Variants in ST6GALNAC5 observed in about 807,000 individuals in gnomAD.
The protein encoded by ST6GALNAC5 is alpha-N-acetylgalactosaminide alpha-2,6-sialyltransferase 5.
Under a neutral mutation model 33.6 loss-of-function variants are expected in ST6GALNAC5, and 27 were observed. The ratio of observed to expected loss-of-function variants is 0.80; its 90% CI spans 0.59 to 1.11. The LOEUF (loss-of-function observed/expected upper bound fraction) is 1.11. ST6GALNAC5 is among the 50% of genes least tolerant of loss of function. The pLI, the probability that ST6GALNAC5 is intolerant of heterozygous loss-of-function variation, is 0.00. For synonymous variants in ST6GALNAC5, 194 were observed against 171.2 expected (o/e 1.13, Z -1.04); for missense variants, 428 against 454.0 (o/e 0.94, Z 0.52).
chr1:76,959,530 G>A (rs1222696840), intron 2 of ST6GALNAC5, among the ~76,000 whole-genome samples: 1 of 152,188 alleles, frequency 6.6e-6, no homozygotes, highest in Non-Finnish European at 1.5e-5. Flanking sequence ...AGAAATGAGG[G>A]GCAAGCTTTG....
At chr1:76,873,049 C>G (rs944502510) in intron 2 of ST6GALNAC5, among the ~76,000 whole-genome samples, 1 of 152,208 alleles carries the variant, frequency 6.6e-6, no homozygotes, top group Non-Finnish European at 1.5e-5. Flanking sequence ...ATATCACTAT[C>G]CTCCTGTAAA....
chr1:77,018,469 G>A (rs1650932317), intron 2 of ST6GALNAC5, among the ~76,000 whole-genome samples: 1 of 152,204 alleles, frequency 6.6e-6, no homozygotes, highest in Non-Finnish European at 1.5e-5. Context: ...GCAGATAGGA[G>A]AACTGGGGCT....
At chr1:76,879,302 C>T (rs1006976612) in intron 2 of ST6GALNAC5, among the ~76,000 whole-genome samples, 1 of 152,122 alleles carries the variant, frequency 6.6e-6, no homozygotes. Flanking sequence ...TCTAACCAAG[C>T]AAATAAACTA....
intron 2 of ST6GALNAC5, among the ~76,000 whole-genome samples, chr1:76,940,408 G>C (rs1463746887): frequency 6.6e-6 from 1 of 152,106 alleles, no homozygotes; most frequent in Admixed American, 6.6e-5. Flanking sequence ...TGGAGCACTG[G>C]CGTGGTACTT....
chr1:76,904,914 G>A (rs1263268076), intron 2 of ST6GALNAC5, among the ~76,000 whole-genome samples: 2 of 152,176 alleles, frequency 1.3e-5, no homozygotes, highest in South Asian at 4.1e-4. Flanking sequence ...AATCTATGCT[G>A]TAGGAAGACA....
intron 2 of ST6GALNAC5, among the ~76,000 whole-genome samples, chr1:76,885,763 G>C (rs1653878992): frequency 1.3e-5 from 2 of 152,142 alleles, no homozygotes; most frequent in South Asian, 4.1e-4. Flanking sequence ...ACAACCCTTA[G>C]CACTTTTCAA....
At position 76,868,695 on chromosome 1, in the gene ST6GALNAC5, G is replaced by A. The variant is rs1653421502; in HGVS notation, c.214G>A (p.Ala72Thr). ...SSTQQRPGVP[A>T]GPRPLDGYLG... ...CACCCAGCAGCGCCCCGGGGTCCCC[G>A]CGGGACCGCGGCCACTGGACGGATA... The change falls in exon 2 of 5, where the codon GCG becomes ACG. Residue 72 changes from alanine to threonine, a missense_variant. Physicochemically the swap from Ala to Thr is moderately conservative, Grantham distance 58 (BLOSUM62 0). Coordinates refer to ENST00000477717, the MANE Select transcript of ST6GALNAC5 (RefSeq NM_030965.3). The surrounding 1 kb of genome is among the most constrained non-coding windows in gnomAD (Gnocchi z 4.3). 6 of 1,538,974 alleles carry A rather than the reference G, an allele frequency of 3.9e-6. No homozygotes were observed. Among genetic ancestry groups the A allele is most frequent in the Non-Finnish European group, 5.2e-6 (6 of 1,143,292 alleles).
At chr1:77,021,502 G>C (rs1047447084) in intron 2 of ST6GALNAC5, among the ~76,000 whole-genome samples, 3 of 152,130 alleles carry the variant, frequency 2.0e-5, no homozygotes, top group South Asian at 2.1e-4. Flanking sequence ...TTGATGACTT[G>C]ATGTGATATG....
At position 77,063,308 on chromosome 1, in the gene ST6GALNAC5, C is replaced by A; in HGVS notation, c.*102C>A. On this transcript the variant is annotated 3_prime_UTR_variant, in exon 5 of 5. Transcript: ENST00000477717. ...GACAGGAAAGGGTAGCAGAAAACAG[C>A]TTCACTCCTCAGGAAGTACCATGGA... 1 of 1,015,160 alleles carries A rather than the reference C, an allele frequency of 9.9e-7. No individual in the cohort carries two copies. The highest frequency in any genetic ancestry group is 1.5e-6 in the Non-Finnish European group (1 of 677,706). 62.9% of individuals were successfully genotyped at this position (1,015,160 alleles called of 1,614,324 possible). A position where few individuals can be genotyped will look rare whatever the true frequency, so the allele number is the denominator to read the frequency against.
intron 2 of ST6GALNAC5, among the ~76,000 whole-genome samples, chr1:77,020,243 G>A (rs1048666091): frequency 1.3e-5 from 2 of 152,190 alleles, no homozygotes; most frequent in African/African-American, 4.8e-5. Context: ...TTTTTTAAGT[G>A]CCGAGAATGT....
intron 2 of ST6GALNAC5, among the ~76,000 whole-genome samples, chr1:77,033,982 G>A (rs996962063): frequency 6.6e-6 from 1 of 152,132 alleles, no homozygotes; most frequent in African/African-American, 2.4e-5. Context: ...AGACAAAGGA[G>A]GAGAACTGCA....
chr1:77,034,430 C>T (rs941891733), intron 2 of ST6GALNAC5, among the ~76,000 whole-genome samples: 3 of 152,146 alleles, frequency 2.0e-5, no homozygotes, highest in Non-Finnish European at 4.4e-5. Context: ...TCTGCAAAAC[C>T]TCTGTTTCTA....
At position 77,067,030 on chromosome 1, in the gene ST6GALNAC5, G is replaced by A. The variant is rs1441887121; in HGVS notation, c.*3824G>A. 1.3e-5 allele frequency among the ~76,000 whole-genome samples: 2 copies of A among 152,218 alleles called. No homozygotes were observed. The highest frequency in any genetic ancestry group is 4.8e-5 in the African/African-American group (2 of 41,460). ...ACCATTATGGTTTGCCCAGGGCCAA[G>A]TGGGGAGTGAAGAAGAGGGGTCCCC... On this transcript the variant is annotated 3_prime_UTR_variant, in exon 5 of 5. Transcript: ENST00000477717.
chr1:76,880,904 A>G (rs1410041925), intron 2 of ST6GALNAC5, among the ~76,000 whole-genome samples: 1 of 152,224 alleles, frequency 6.6e-6, no homozygotes, highest in Non-Finnish European at 1.5e-5. Flanking sequence ...CATGATACCT[A>G]TTATAAAAGA....
intron 4 of ST6GALNAC5, among the ~76,000 whole-genome samples, chr1:77,052,452 G>A (rs963403565): frequency 7.9e-5 from 12 of 152,140 alleles, no homozygotes; most frequent in African/African-American, 2.4e-4. Context: ...ATAAGAAGAC[G>A]AACAAGCAGG....
intron 2 of ST6GALNAC5, among the ~76,000 whole-genome samples, chr1:76,878,308 T>C (rs576663471): frequency 1.3e-5 from 2 of 152,316 alleles, no homozygotes; most frequent in African/African-American, 2.4e-5. Flanking sequence ...AGTATGTCTA[T>C]GCCAGTTATG....
At chr1:76,879,844 T>G (rs1164713651) in intron 2 of ST6GALNAC5, among the ~76,000 whole-genome samples, 1 of 151,984 alleles carries the variant, frequency 6.6e-6, no homozygotes, top group East Asian at 1.9e-4. Flanking sequence ...ACACATCCCA[T>G]TCCAAGTTGC....
At chr1:77,005,630 A>G (rs2100417468) in intron 2 of ST6GALNAC5, among the ~76,000 whole-genome samples, 1 of 152,326 alleles carries the variant, frequency 6.6e-6, no homozygotes, top group African/African-American at 2.4e-5. Flanking sequence ...TTGTGCAACC[A>G]ATACCACTAT....
chr1:76,928,420 G>A (rs556227673), intron 2 of ST6GALNAC5, among the ~76,000 whole-genome samples: 2 of 152,232 alleles, frequency 1.3e-5, no homozygotes, highest in South Asian at 4.1e-4. Context: ...CATATCAGCT[G>A]TGTCACAAGT....
Sources: gnomAD v4.1 joint callset for allele counts (sites outside exome capture counted in the v4.1 genomes callset) on GRCh38, gnomAD v4.1.1 for gene constraint, Gnocchi (gnomAD v3.1) non-coding constraint, MANE v1.5 for transcripts, NCBI Gene and HGNC (gene_info 2026-07-23, HGNC 2026-07-21) for gene names.